SLC9A3: variants seen among roughly 807,000 people sequenced by gnomAD.
SLC9A3 encodes solute carrier family 9 member A3.
SLC9A3 carries 37 observed loss-of-function variants against 86.8 expected under a neutral mutation model. The observed-to-expected ratio is 0.43, with a 90% CI of 0.33 to 0.56. The LOEUF (loss-of-function observed/expected upper bound fraction) is 0.56, where lower values mean the gene tolerates loss of function less well. Ranked by LOEUF, SLC9A3 falls within the 20% of genes least tolerant of loss-of-function variation. SLC9A3 has a pLI of 0.06. For missense variants in SLC9A3, 1,011 were observed against 1,171.9 expected, an observed-to-expected ratio of 0.86 and a Z score of 2.00; for synonymous variants, 581 against 528.3, an observed-to-expected ratio of 1.10 and a Z score of -1.37.
At chr5:485,350 A>G (rs41282631) in intron 3 of SLC9A3, 119 bp from the exon 4 acceptor site, 79,042 of 780,730 alleles carry the variant, frequency 0.1, 4,564 homozygotes, top group Admixed American at 0.2. Flanking sequence ...AGGCCGTTGG[A>G]AGGAAAATCA....
intron 16 of SLC9A3, 89 bp from the exon 17 acceptor site, chr5:473,471 C>T (rs1738516294): frequency 8.9e-7 from 1 of 1,127,676 alleles, no homozygotes; most frequent in Non-Finnish European, 1.1e-6. Context: ...TCCCCGAGCC[C>T]GGCGGCTCTC....
chr5:479,619 GCACCA>G, intron 10 of SLC9A3: 1 of 551,632 alleles, frequency 1.8e-6, no homozygotes, highest in Non-Finnish European at 3.3e-6. Flanking sequence ...ACCCCCACCA[GCACCA>G]CAGTCACCAG....
intron 1 of SLC9A3, among the ~76,000 whole-genome samples, chr5:508,283 G>A (rs868076516): frequency 2.0e-5 from 3 of 150,502 alleles, no homozygotes; most frequent in African/African-American, 7.4e-5. Context: ...TAGTGTGCCC[G>A]GGATGGAGAT....
rs1216662060 is a variant in SLC9A3 at position 482,570 on chromosome 5, A to G, written c.1334T>C (p.Val445Ala). ...CACCTGGAAGATGACGGTGAAGAACACTACGATGATGGTGGTGCTGACGAA... is the reference window on the plus strand; with the variant it reads ...CACCTGGAAGATGACGGTGAAGAACGCTACGATGATGGTGGTGCTGACGAA... ...NLFVSTTIIVVFFTVIFQGLT... is the reference protein window; with the variant it reads ...NLFVSTTIIVAFFTVIFQGLT... The change falls in exon 7 of 17, where the codon GTG (valine) becomes GCG (alanine). Residue 445 changes from valine to alanine, a missense_variant. This residue lies in a region of SLC9A3 where 565 missense variants were observed against 790.0 expected (regional missense o/e 0.72). Transcript: ENST00000264938. 3 of 1,612,620 alleles carry G rather than the reference A, an allele frequency of 1.9e-6. No homozygotes were observed. Among genetic ancestry groups the G allele is most frequent in the Non-Finnish European group, 1.7e-6 (2 of 1,179,692 alleles).
intron 16 of SLC9A3, 71 bp downstream of exon 16, chr5:474,790 GGGGAGGGAGAGAGACAGCGCGC>G: frequency 1.5e-5 from 1 of 68,502 alleles, no homozygotes; most frequent in Non-Finnish European, 2.2e-5. Flanking sequence ...GGGGTTAGGC[GGGGAGGGAGAGAGACAGCGCGC>G]GCGAGGCGGA....
At position 472,196 on chromosome 5, in the gene SLC9A3, G is replaced by C. The variant is rs1162716247; in HGVS notation, c.*1183C>G. ...ACTGTGCCTCCCAGAGCTTGGGCTGGATGGTCTCCCTGCAGAGGACCAGGA... is the reference window on the plus strand; with the variant it reads ...ACTGTGCCTCCCAGAGCTTGGGCTGCATGGTCTCCCTGCAGAGGACCAGGA... On this transcript the variant is annotated 3_prime_UTR_variant, in exon 17 of 17. Transcript: ENST00000264938. 25 of 363,390 alleles carry C rather than the reference G, an allele frequency of 6.9e-5. No homozygotes were observed. The highest frequency in any genetic ancestry group is 1.2e-4 in the Non-Finnish European group (22 of 185,300). The allele number at this position is 363,390 out of a possible 1,614,324, so 22.5% of individuals were successfully genotyped here.
At chr5:502,455 G>A (rs959367158) in intron 1 of SLC9A3, among the ~76,000 whole-genome samples, 5 of 152,234 alleles carry the variant, frequency 3.3e-5, no homozygotes, top group African/African-American at 1.2e-4. Flanking sequence ...AGACCCAGCG[G>A]CGCCTACCAG....
rs368120032 is a variant in SLC9A3 at position 476,429 on chromosome 5, C to T, written c.1891-51G>A. ...AGCTGTGCCCACCGCCGGACATTCT[C>T]GCCCTCCTGCCGCAGGAGCTGAGCA... On this transcript the variant is annotated intron_variant, in intron 12 of 16. Transcript: ENST00000264938. The T allele has an allele frequency of 3.4e-5, 55 of 1,607,920 alleles. No individual in the cohort carries two copies. In the African/African-American group the frequency reaches 4.4e-4, roughly 13 times the overall value.
chr5:516,728 G>T lies in SLC9A3; in HGVS notation c.211+7384C>A, dbSNP rs180803918. Among the ~76,000 whole-genome samples, 109 of 152,332 alleles carry T rather than the reference G, an allele frequency of 7.2e-4. 3 individuals carry two copies. Among genetic ancestry groups the T allele is most frequent in the South Asian group, 5.4e-3 (26 of 4,830 alleles). On this transcript the variant is annotated intron_variant, in intron 1 of 16. Coordinates refer to ENST00000264938, the MANE Select transcript of SLC9A3 (RefSeq NM_004174.4). ...GTGTGGGGCAGATGGTGCTCACCAT[G>T]CTGAGCCCAGATCTGCCAAAGTGCT...
rs548164667 is a variant in SLC9A3 at position 471,498 on chromosome 5, T to G, written c.*1881A>C. The G allele has an allele frequency of 4.4e-3, 1,528 of 344,120 alleles. 17 individuals are homozygous for G. Among genetic ancestry groups the G allele is most frequent in the African/African-American group, 0.024 (1,139 of 46,652 alleles). The allele number at this position is 344,120 out of a possible 1,614,324, so 21.3% of individuals were successfully genotyped here. Reference sequence around the variant, plus strand: ...TCCCAGCAGTTCAGATGGGACAAACTGGGGGCCTGTCAGAACAGCCACTTG... The same window carrying G: ...TCCCAGCAGTTCAGATGGGACAAACGGGGGGCCTGTCAGAACAGCCACTTG... On this transcript the variant is annotated 3_prime_UTR_variant, in exon 17 of 17. Transcript: ENST00000264938.
intron 1 of SLC9A3, among the ~76,000 whole-genome samples, chr5:498,390 C>T (rs1250420982): frequency 3.3e-5 from 5 of 152,196 alleles, no homozygotes; most frequent in Non-Finnish European, 7.3e-5. Flanking sequence ...TGCCTTCCAG[C>T]ATCAGTCCAG....
At chr5:507,367 C>CG (rs1740647475) in intron 1 of SLC9A3, among the ~76,000 whole-genome samples, 2 of 38,080 alleles carry the variant, frequency 5.3e-5, no homozygotes, top group Non-Finnish European at 1.2e-4. Flanking sequence ...CGGGGTTTCA[C>CG]CGTTTTTTTT....
chr5:471,882 C>T lies in SLC9A3; in HGVS notation c.*1497G>A, dbSNP rs988037296. 4.4e-6 allele frequency: 2 copies of T among 456,150 alleles called. No homozygotes were observed. The highest frequency in any genetic ancestry group is 8.8e-6 in the Non-Finnish European group (2 of 226,678). 28.3% of individuals were successfully genotyped at this position (456,150 alleles called of 1,614,324 possible). A position where few individuals can be genotyped will look rare whatever the true frequency, so the allele number is the denominator to read the frequency against. ...AATTGTGGACTTTTCCCACCAGGGA[C>T]TCAATGGGGACTCAATGTGCAATAT... On this transcript the variant is annotated 3_prime_UTR_variant, in exon 17 of 17. Transcript: ENST00000264938.
Position 491,436 on chromosome 5 carries a change from T to C in SLC9A3, c.514+333A>G, listed in dbSNP as rs1314455155. ...ACACCAGGCTCTGCAGTCCTCCTCC[T>C]CTCCCTGGGACCTGGTGGCCGGCGA... On this transcript the variant is annotated intron_variant, in intron 2 of 16. Transcript: ENST00000264938. The surrounding 1 kb of genome is among the most constrained non-coding windows in gnomAD (Gnocchi z 9.2). 6.6e-6 allele frequency among the ~76,000 whole-genome samples: 1 copy of C among 152,034 alleles called. No homozygotes were observed. The highest frequency in any genetic ancestry group is 1.5e-5 in the Non-Finnish European group (1 of 67,978).
At chr5:483,993 C>T (rs908695214) in intron 5 of SLC9A3, among the ~76,000 whole-genome samples, 1 of 152,238 alleles carries the variant, frequency 6.6e-6, no homozygotes, top group Non-Finnish European at 1.5e-5. Context: ...TCACGGGGAA[C>T]TTGGTGATGC....
intron 1 of SLC9A3, among the ~76,000 whole-genome samples, chr5:492,663 G>C (rs1272518230): frequency 2.0e-5 from 3 of 151,786 alleles, no homozygotes; most frequent in Admixed American, 6.6e-5. Flanking sequence ...GGTGGTCGGG[G>C]GGGGGCCTCT....
At chr5:517,397 C>CCATT (rs1733762620) in intron 1 of SLC9A3, among the ~76,000 whole-genome samples, 1 of 151,716 alleles carries the variant, frequency 6.6e-6, no homozygotes, top group African/African-American at 2.4e-5. Flanking sequence ...ATCCATATAT[C>CCATT]CATTCATTCA....
chr5:503,975 AC>A (rs1740425718), intron 1 of SLC9A3, among the ~76,000 whole-genome samples: 1 of 126,560 alleles, frequency 7.9e-6, no homozygotes, highest in Admixed American at 8.2e-5. Context: ...GGTCCCACCC[AC>A]CCCCACCTTC....
At position 472,708 on chromosome 5, in the gene SLC9A3, G is replaced by T. The variant is rs752195162; in HGVS notation, c.*671C>A. On this transcript the variant is annotated 3_prime_UTR_variant, in exon 17 of 17. Transcript: ENST00000264938. Reference sequence around the variant, plus strand: ...AGTTCAAAGACCTGGCGAGGGCCTGGAAACGGCGCTCGGCCCAGGCCGCTT... The same window carrying T: ...AGTTCAAAGACCTGGCGAGGGCCTGTAAACGGCGCTCGGCCCAGGCCGCTT... 1.3e-5 allele frequency: 7 copies of T among 551,790 alleles called. No homozygotes were observed. The highest frequency in any genetic ancestry group is 1.1e-4 in the South Asian group (7 of 65,422). The allele number at this position is 551,790 out of a possible 1,614,324, so 34.2% of individuals were successfully genotyped here. A position where few individuals can be genotyped will look rare whatever the true frequency, so the allele number is the denominator to read the frequency against.
Sources: gnomAD v4.1 joint callset for allele counts (sites outside exome capture counted in the v4.1 genomes callset) on GRCh38, gnomAD v4.1.1 for gene constraint, gnomAD v4.1.1 regional missense constraint, Gnocchi (gnomAD v3.1) non-coding constraint, MANE v1.5 for transcripts, NCBI Gene and HGNC (gene_info 2026-07-23, HGNC 2026-07-21) for gene names.